The following LTBP1 variants were observed in gnomAD, a reference collection of about 807,000 sequenced individuals.
LTBP1 encodes the protein latent-transforming growth factor beta-binding protein 1.
A neutral mutation model predicts 207.6 loss-of-function variants in LTBP1; 129 were observed. The observed-to-expected ratio is 0.62, with a 90% CI of 0.54 to 0.72. LTBP1 has a LOEUF of 0.72. Among genes scored for constraint, LTBP1 ranks in the 30% least tolerant of loss-of-function variants. LTBP1 has a pLI of 0.00. For missense variants in LTBP1, 2,281 were observed against 2,217.2 expected, an observed-to-expected ratio of 1.03 and a Z score of -0.58; for synonymous variants, 963 against 833.7, an observed-to-expected ratio of 1.16 and a Z score of -2.67.
At chr2:32,968,859 G>A (rs1367493713) in intron 2 of LTBP1, among the ~76,000 whole-genome samples, 2 of 149,938 alleles carry the variant, frequency 1.3e-5, no homozygotes, top group African/African-American at 4.9e-5. Context: ...AAGTAGCTGG[G>A]ACTGTAGGTG....
chr2:33,283,840 C>G (rs1416559929), intron 19 of LTBP1, among the ~76,000 whole-genome samples: 1 of 152,140 alleles, frequency 6.6e-6, no homozygotes, highest in Non-Finnish European at 1.5e-5. Context: ...ACAGGGCTGC[C>G]GTGTTCCATA....
At chr2:33,149,326 G>C (rs1366607942) in intron 5 of LTBP1, among the ~76,000 whole-genome samples, 1 of 150,570 alleles carries the variant, frequency 6.6e-6, no homozygotes, top group African/African-American at 2.4e-5. Context: ...GAGAAGGCCT[G>C]CTCCTTAGAG....
chr2:33,168,617 C>T (rs1331324092), intron 5 of LTBP1, among the ~76,000 whole-genome samples: 1 of 151,858 alleles, frequency 6.6e-6, no homozygotes, highest in Non-Finnish European at 1.5e-5. Flanking sequence ...CTAGTTTTCC[C>T]TGGGTGTTTT....
intron 31 of LTBP1, among the ~76,000 whole-genome samples, chr2:33,371,774 T>A (rs2095070373): frequency 6.6e-6 from 1 of 152,206 alleles, no homozygotes; most frequent in Non-Finnish European, 1.5e-5. Context: ...GTTACAGTAG[T>A]CCTCTGCCTT....
chr2:32,994,776 A>G (rs1379764257), intron 2 of LTBP1, among the ~76,000 whole-genome samples: 1 of 152,152 alleles, frequency 6.6e-6, no homozygotes, highest in African/African-American at 2.4e-5. Context: ...CACATTAGTG[A>G]TTCTTAACCT....
chr2:32,975,140 A>G (rs1681506499), intron 2 of LTBP1, among the ~76,000 whole-genome samples: 1 of 152,196 alleles, frequency 6.6e-6, no homozygotes, highest in South Asian at 2.1e-4. Flanking sequence ...TATGATGCAT[A>G]GTTTGGCTGG....
intron 23 of LTBP1, 111 bp from the exon 24 acceptor site, chr2:33,315,033 C>G: frequency 1.2e-6 from 1 of 847,294 alleles, no homozygotes; most frequent in Non-Finnish European, 1.8e-6. Flanking sequence ...AGTTGTTCCA[C>G]TAAATAAATG....
At chr2:33,266,949 G>A (rs1004553934) in intron 15 of LTBP1, among the ~76,000 whole-genome samples, 1 of 152,242 alleles carries the variant, frequency 6.6e-6, no homozygotes, top group East Asian at 1.9e-4. Flanking sequence ...GGGAAGAAGA[G>A]CTGTGGCCCT....
intron 3 of LTBP1, among the ~76,000 whole-genome samples, chr2:33,069,054 A>C (rs2077653054): frequency 6.6e-6 from 1 of 152,226 alleles, no homozygotes; most frequent in Non-Finnish European, 1.5e-5. Flanking sequence ...TTTGGGGCTC[A>C]GGATATTTTG....
chr2:33,170,548 G>T (rs2085339674), intron 5 of LTBP1, among the ~76,000 whole-genome samples: 1 of 152,234 alleles, frequency 6.6e-6, no homozygotes, highest in Admixed American at 6.5e-5. Context: ...AGGCCTGCCT[G>T]CCTGCCTCTG....
At chr2:33,203,720 A>G (rs916388457) in intron 7 of LTBP1, among the ~76,000 whole-genome samples, 1 of 152,216 alleles carries the variant, frequency 6.6e-6, no homozygotes, top group African/African-American at 2.4e-5. Flanking sequence ...CTATAAAATA[A>G]TATACCTATT....
At chr2:33,339,449 A>G (rs2094590347) in intron 24 of LTBP1, among the ~76,000 whole-genome samples, 1 of 152,144 alleles carries the variant, frequency 6.6e-6, no homozygotes, top group South Asian at 2.1e-4. Context: ...CATCTCAGAA[A>G]GCCTACCTTT....
Position 33,262,014 on chromosome 2 carries a change from T to C in LTBP1, c.2419-708T>C, listed in dbSNP as rs149294118. On this transcript the variant is annotated intron_variant, in intron 13 of 33. Coordinates refer to ENST00000404816, the MANE Select transcript of LTBP1 (RefSeq NM_206943.4). ...ATCCTTAACTAGGCTAATTGTTCAG[T>C]CTGCCTGAGCCCTGCACAGTTGTAA... Among the ~76,000 whole-genome samples, 304 of 152,296 alleles carry C rather than the reference T, an allele frequency of 2.0e-3. 3 individuals are homozygous for C. Among genetic ancestry groups the C allele is most frequent in the African/African-American group, 6.6e-3 (275 of 41,554 alleles).
chr2:33,395,811 T>C (rs1014740148), intron 32 of LTBP1, among the ~76,000 whole-genome samples: 4 of 152,090 alleles, frequency 2.6e-5, no homozygotes, highest in African/African-American at 7.2e-5. Context: ...TTAGACCTTA[T>C]TGCCCTCCAT....
intron 2 of LTBP1, among the ~76,000 whole-genome samples, chr2:32,995,272 G>A (rs902570085): frequency 6.6e-5 from 10 of 152,074 alleles, no homozygotes; most frequent in African/African-American, 2.4e-4. Context: ...GATGTTATAG[G>A]GCAGTGCCTC....
intron 2 of LTBP1, among the ~76,000 whole-genome samples, chr2:33,003,529 A>G (rs1686347034): frequency 6.6e-6 from 1 of 152,196 alleles, no homozygotes; most frequent in South Asian, 2.1e-4. Context: ...GTGTATGCAG[A>G]GCTGTGCAAC....
chr2:33,237,594 G>A (rs2092109455), intron 9 of LTBP1, among the ~76,000 whole-genome samples: 1 of 152,198 alleles, frequency 6.6e-6, no homozygotes, highest in African/African-American at 2.4e-5. Flanking sequence ...TGGAGCTGCA[G>A]AATTGGTTCA....
chr2:33,324,850 T>C (rs1276203602), intron 24 of LTBP1, among the ~76,000 whole-genome samples: 1 of 151,944 alleles, frequency 6.6e-6, no homozygotes, highest in Non-Finnish European at 1.5e-5. Context: ...TACAGGCATG[T>C]GCCACCACAC....
intron 15 of LTBP1, among the ~76,000 whole-genome samples, chr2:33,269,231 G>T (rs968082715): frequency 6.6e-6 from 1 of 152,170 alleles, no homozygotes; most frequent in Non-Finnish European, 1.5e-5. Context: ...AGAAAATAGA[G>T]TAAAAATACC....
Sources: gnomAD v4.1 joint callset for allele counts (sites outside exome capture counted in the v4.1 genomes callset) on GRCh38, gnomAD v4.1.1 for gene constraint, MANE v1.5 for transcripts, NCBI Gene and HGNC (gene_info 2026-07-23, HGNC 2026-07-21) for gene names.